ESRRG: variants seen among roughly 807,000 people sequenced by gnomAD.
ESRRG encodes estrogen related receptor gamma.
Under a neutral mutation model 44.0 loss-of-function variants are expected in ESRRG, and 13 were observed. That is an observed-to-expected ratio of 0.30 (90% CI 0.19 to 0.47). The LOEUF (loss-of-function observed/expected upper bound fraction) is 0.47. Among genes scored for constraint, ESRRG ranks in the 20% least tolerant of loss-of-function variants. The probability of loss-of-function intolerance (pLI) is 1.00; values close to 1 mark genes in which losing one functional copy is unlikely to be tolerated. For synonymous variants in ESRRG, 215 were observed against 214.6 expected (o/e 1.00, Z -0.02); for missense variants, 395 against 580.6 (o/e 0.68, Z 3.29).
At chr1:217,004,238 C>T (rs1359042858) in intron 1 of ESRRG, among the ~76,000 whole-genome samples, 1 of 152,142 alleles carries the variant, frequency 6.6e-6, no homozygotes, top group Non-Finnish European at 1.5e-5. Context: ...GGATTACTGA[C>T]TGATATGGTT....
intron 1 of ESRRG, among the ~76,000 whole-genome samples, chr1:217,004,929 G>C (rs757790251): frequency 1.3e-5 from 2 of 152,066 alleles, no homozygotes; most frequent in Non-Finnish European, 2.9e-5. Flanking sequence ...CCTTTTAGTG[G>C]TTTCCCCCAT....
chr1:217,113,126 T>C (rs991260056), intron 1 of ESRRG, among the ~76,000 whole-genome samples: 1 of 152,210 alleles, frequency 6.6e-6, no homozygotes, highest in African/African-American at 2.4e-5. Flanking sequence ...GACTGTTTCC[T>C]GGCCTTTCTA....
chr1:216,849,193 C>G (rs2095804660), intron 2 of ESRRG, among the ~76,000 whole-genome samples: 1 of 152,100 alleles, frequency 6.6e-6, no homozygotes, highest in Admixed American at 6.6e-5. Flanking sequence ...CACTTCAGGT[C>G]TGAAAAGGAG....
chr1:216,664,614 T>C (rs2073398048), intron 2 of ESRRG, among the ~76,000 whole-genome samples: 1 of 149,750 alleles, frequency 6.7e-6, no homozygotes. Context: ...GGTGTATATA[T>C]AAATTTGGCA....
chr1:216,878,614 T>C (rs1046374429), intron 2 of ESRRG, among the ~76,000 whole-genome samples: 1 of 152,188 alleles, frequency 6.6e-6, no homozygotes, highest in Non-Finnish European at 1.5e-5. Context: ...TTTGTTTCCC[T>C]CCATGTAGTA....
intron 2 of ESRRG, among the ~76,000 whole-genome samples, chr1:216,871,005 G>A (rs902847336): frequency 2.6e-5 from 4 of 151,642 alleles, no homozygotes; most frequent in African/African-American, 9.7e-5. Flanking sequence ...ATATCTTTAT[G>A]AGTATACTCT....
chr1:216,936,039 G>A (rs911704175), intron 2 of ESRRG, among the ~76,000 whole-genome samples: 2 of 152,012 alleles, frequency 1.3e-5, no homozygotes, highest in Admixed American at 6.6e-5. Flanking sequence ...TTGTAATCAT[G>A]GCTTGTTTTT....
intron 2 of ESRRG, among the ~76,000 whole-genome samples, chr1:216,837,579 T>G (rs1046323914): frequency 6.6e-6 from 1 of 152,116 alleles, no homozygotes; most frequent in Non-Finnish European, 1.5e-5. Context: ...CCCAGTGGGT[T>G]GGTGCTGAGA....
At chr1:216,669,062 C>A (rs2074591281) in intron 2 of ESRRG, among the ~76,000 whole-genome samples, 1 of 151,914 alleles carries the variant, frequency 6.6e-6, no homozygotes, top group African/African-American at 2.4e-5. Context: ...TTTTTGAATG[C>A]CCTCAAGCTC....
chr1:216,665,226 T>C (rs901485980), intron 2 of ESRRG, among the ~76,000 whole-genome samples: 1 of 152,112 alleles, frequency 6.6e-6, no homozygotes, highest in South Asian at 2.1e-4. Flanking sequence ...TAAATTAAAC[T>C]TTATCAAGAT....
At chr1:217,041,571 A>T (rs2083875146) in intron 1 of ESRRG, among the ~76,000 whole-genome samples, 1 of 152,204 alleles carries the variant, frequency 6.6e-6, no homozygotes, top group African/African-American at 2.4e-5. Context: ...AGATTTAAGG[A>T]GTACATTTTC....
chr1:216,959,703 A>G (rs1357453255), intron 1 of ESRRG: 13 of 152,062 alleles, frequency 8.5e-5, no homozygotes. Flanking sequence ...AAATAAATAA[A>G]TAAATATTTT....
chr1:217,119,077 A>G (rs191198026), intron 1 of ESRRG, among the ~76,000 whole-genome samples: 1 of 152,302 alleles, frequency 6.6e-6, no homozygotes, highest in East Asian at 1.9e-4. Context: ...ACAGATAGAT[A>G]TATTTCAAGA....
intron 2 of ESRRG, among the ~76,000 whole-genome samples, chr1:216,924,730 TAG>T (rs2062299285): frequency 6.6e-6 from 1 of 152,154 alleles, no homozygotes; most frequent in Admixed American, 6.5e-5. Context: ...TTGTTATTGA[TAG>T]AGTTTGCAGC....
At chr1:216,864,690 T>C (rs2096118153) in intron 2 of ESRRG, 1 of 150,836 alleles carries the variant, frequency 6.6e-6, no homozygotes, top group Non-Finnish European at 1.5e-5. Context: ...AAACGTGATC[T>C]TTCACACTTG....
At chr1:216,915,891 C>T (rs2576263) in intron 2 of ESRRG, among the ~76,000 whole-genome samples, 41,533 of 152,090 alleles carry the variant, frequency 0.27, 6,636 homozygotes, top group East Asian at 0.46. Context: ...ATAGTACCCT[C>T]GTTGGCATGC....
At chr1:216,705,949 C>G (rs2082357992) in intron 1 of ESRRG, among the ~76,000 whole-genome samples, 1 of 152,102 alleles carries the variant, frequency 6.6e-6, no homozygotes, top group South Asian at 2.1e-4. Flanking sequence ...CATCCTAACA[C>G]TGAGCGGTGT....
At chr1:217,023,617 C>T (rs2080713709) in intron 1 of ESRRG, among the ~76,000 whole-genome samples, 1 of 152,088 alleles carries the variant, frequency 6.6e-6, no homozygotes, top group African/African-American at 2.4e-5. Flanking sequence ...TAATTTCCAC[C>T]CATATTCAAA....
intron 1 of ESRRG, among the ~76,000 whole-genome samples, chr1:217,077,612 G>A (rs1180287725): frequency 1.3e-5 from 2 of 152,176 alleles, no homozygotes; most frequent in African/African-American, 4.8e-5. Context: ...AACTTAAACA[G>A]ATATATACAA....
Sources: gnomAD v4.1 joint callset for allele counts (sites outside exome capture counted in the v4.1 genomes callset) on GRCh38, gnomAD v4.1.1 for gene constraint, MANE v1.5 for transcripts, NCBI Gene and HGNC (gene_info 2026-07-23, HGNC 2026-07-21) for gene names.